The following RAB11FIP4 variants were observed in gnomAD, a reference collection of about 807,000 sequenced individuals.
The protein encoded by RAB11FIP4 is rab11 family-interacting protein 4.
Under a neutral mutation model 74.3 loss-of-function variants are expected in RAB11FIP4, and 23 were observed. That is an observed-to-expected ratio of 0.31 (90% confidence interval 0.22 to 0.44). The LOEUF (loss-of-function observed/expected upper bound fraction) is 0.44. Ranked by LOEUF, RAB11FIP4 falls within the 20% of genes least tolerant of loss-of-function variation. RAB11FIP4 has a pLI of 1.00. For missense variants in RAB11FIP4, 630 were observed against 863.9 expected, an observed-to-expected ratio of 0.73 and a Z score of 3.39; for synonymous variants, 360 against 359.9, an observed-to-expected ratio of 1.00 and a Z score of 0.00.
At chr17:31,481,478 G>A (rs970552827) in intron 3 of RAB11FIP4, among the ~76,000 whole-genome samples, 1 of 152,168 alleles carries the variant, frequency 6.6e-6, no homozygotes, top group South Asian at 2.1e-4. Context: ...GTAGTGGCAC[G>A]CAGGGTGGGA....
At chr17:31,476,262 G>A (rs2071792072) in intron 3 of RAB11FIP4, among the ~76,000 whole-genome samples, 1 of 132,450 alleles carries the variant, frequency 7.6e-6, no homozygotes, top group African/African-American at 2.9e-5. Flanking sequence ...TTGGCTCACT[G>A]CAATGTCTGC....
At chr17:31,516,659 G>A (rs1208625295) in intron 3 of RAB11FIP4, among the ~76,000 whole-genome samples, 1 of 152,154 alleles carries the variant, frequency 6.6e-6, no homozygotes, top group African/African-American at 2.4e-5. Context: ...TAGTAGAGAC[G>A]GGGTTTCACC....
intron 3 of RAB11FIP4, among the ~76,000 whole-genome samples, chr17:31,482,829 A>G (rs1175249759): frequency 6.6e-6 from 1 of 152,128 alleles, no homozygotes; most frequent in Non-Finnish European, 1.5e-5. Context: ...GAGAGAGGAC[A>G]AGTACTTGTG....
chr17:31,455,765 C>A (rs1346932982), intron 3 of RAB11FIP4, among the ~76,000 whole-genome samples: 1 of 152,152 alleles, frequency 6.6e-6, no homozygotes, highest in Admixed American at 6.5e-5. Flanking sequence ...TTGGTCAGAC[C>A]CCTTCTCCTC....
chr17:31,394,072 G>C (rs879757171), intron 1 of RAB11FIP4, among the ~76,000 whole-genome samples: 1 of 152,096 alleles, frequency 6.6e-6, no homozygotes, highest in African/African-American at 2.4e-5. Flanking sequence ...TCCACCCTTC[G>C]GGGAGGGTCA....
In RAB11FIP4 at chr17:31,535,747, T is replaced by G. The variant is rs2072948302; in HGVS notation, c.*4015T>G. The stretch of plus-strand genomic sequence containing the variant: ...GTGCCCCTGGAATCAGTGGGTGGCA[T>G]GTGTTGGGATATACTGGCTACAGGC... On this transcript the variant is annotated 3_prime_UTR_variant, in exon 15 of 15. Coordinates refer to ENST00000621161, the MANE Select transcript of RAB11FIP4 (RefSeq NM_032932.6). 1 of 152,184 alleles carries G rather than the reference T, an allele frequency of 6.6e-6. No individual in the cohort carries two copies. The allele number at this position is 152,184 out of a possible 1,614,324, so 9.4% of individuals were successfully genotyped here.
intron 1 of RAB11FIP4, among the ~76,000 whole-genome samples, chr17:31,409,219 A>AAGTACCTTGTCAGTACTT (rs1239088775): frequency 6.6e-6 from 1 of 152,102 alleles, no homozygotes; most frequent in African/African-American, 2.4e-5. Flanking sequence ...TCCTACCATT[A>AAGTACCTTGTCAGTACTT]AGTACCTTGT....
intron 3 of RAB11FIP4, among the ~76,000 whole-genome samples, chr17:31,474,845 AAAAAC>A (rs71360776): frequency 0.24 from 30,749 of 127,544 alleles, 4,017 homozygotes; most frequent in African/African-American, 0.39. Flanking sequence ...CACTGTCTCA[AAAAAC>A]AAAACAAAAC....
intron 3 of RAB11FIP4, among the ~76,000 whole-genome samples, chr17:31,495,719 T>C (rs774921428): frequency 2.0e-5 from 3 of 152,238 alleles, no homozygotes; most frequent in Non-Finnish European, 4.4e-5. Flanking sequence ...ATGAGGGTTC[T>C]TGTTGACAAG....
chr17:31,419,726 A>G (rs2151623103), intron 1 of RAB11FIP4, among the ~76,000 whole-genome samples: 1 of 151,540 alleles, frequency 6.6e-6, no homozygotes, highest in East Asian at 1.9e-4. Context: ...AATTTTTTGT[A>G]TTTTTAGTAG....
intron 3 of RAB11FIP4, among the ~76,000 whole-genome samples, chr17:31,444,243 G>A (rs1047684374): frequency 1.3e-5 from 2 of 152,118 alleles, no homozygotes; most frequent in Admixed American, 6.6e-5. Flanking sequence ...AGGTGTGGGT[G>A]GGGTGCCATG....
intron 3 of RAB11FIP4, among the ~76,000 whole-genome samples, chr17:31,510,722 G>C (rs1478692298): frequency 6.6e-6 from 1 of 152,196 alleles, no homozygotes; most frequent in African/African-American, 2.4e-5. Flanking sequence ...TGCAGGTCTG[G>C]CTTCCTGCAG....
chr17:31,481,361 G>A (rs1412761040), intron 3 of RAB11FIP4, among the ~76,000 whole-genome samples: 2 of 152,024 alleles, frequency 1.3e-5, no homozygotes, highest in African/African-American at 4.8e-5. Flanking sequence ...ATCCTGATGT[G>A]CGGTGCAGTT....
intron 1 of RAB11FIP4, among the ~76,000 whole-genome samples, chr17:31,430,783 G>C (rs2071302301): frequency 6.6e-6 from 1 of 152,176 alleles, no homozygotes; most frequent in Non-Finnish European, 1.5e-5. Context: ...GCTATGACCA[G>C]GTGGGGCTCC....
intron 1 of RAB11FIP4, among the ~76,000 whole-genome samples, chr17:31,400,613 G>C (rs373827355): frequency 6.6e-6 from 1 of 152,262 alleles, no homozygotes; most frequent in South Asian, 2.1e-4. Flanking sequence ...GGTGATGGGC[G>C]CTGGGGGCCA....
chr17:31,430,047 C>T (rs186250835), intron 1 of RAB11FIP4, among the ~76,000 whole-genome samples: 2 of 152,138 alleles, frequency 1.3e-5, no homozygotes, highest in Middle Eastern at 3.4e-3. Flanking sequence ...AGGATAGCAG[C>T]GGGGTGGGCC....
intron 1 of RAB11FIP4, among the ~76,000 whole-genome samples, chr17:31,431,292 G>T (rs1205886210): frequency 6.6e-6 from 1 of 152,176 alleles, no homozygotes; most frequent in Non-Finnish European, 1.5e-5. Context: ...TCTGCCAGGT[G>T]AAAACTTACT....
chr17:31,534,958 T>G lies in RAB11FIP4; in HGVS notation c.*3226T>G, dbSNP rs1477042271. ...AAAATGAAGTACCTTCTGGTTCAGC[T>G]AGTCCCTGTGCGTTGAGAGGCTTTA... On this transcript the variant is annotated 3_prime_UTR_variant, in exon 15 of 15. Coordinates refer to ENST00000621161, the MANE Select transcript of RAB11FIP4 (RefSeq NM_032932.6). The G allele has an allele frequency of 1.3e-5, 2 of 154,398 alleles. No individual in the cohort carries two copies. Among genetic ancestry groups the G allele is most frequent in the African/African-American group, 2.4e-5 (1 of 41,538 alleles). 9.6% of individuals were successfully genotyped at this position (154,398 alleles called of 1,614,324 possible). A position where few individuals can be genotyped will look rare whatever the true frequency, so the allele number is the denominator to read the frequency against.
chr17:31,523,192 G>C (rs1211301565), intron 7 of RAB11FIP4: 1 of 389,484 alleles, frequency 2.6e-6, no homozygotes, highest in African/African-American at 2.0e-5. Context: ...AGAGGAGGGG[G>C]CTCACGTGCC....
Sources: allele counts gnomAD v4.1 joint callset (sites outside exome capture counted in the v4.1 genomes callset), GRCh38; gene constraint gnomAD v4.1.1; transcripts MANE v1.5; gene names NCBI Gene and HGNC (gene_info 2026-07-23, HGNC 2026-07-21).